Variants in KPNA6 observed in about 807,000 individuals in gnomAD.
KPNA6 encodes importin subunit alpha-7.
In KPNA6, 9 loss-of-function variants were observed where a neutral mutation model predicts 72.0. The ratio of observed to expected loss-of-function variants is 0.13; its 90% CI spans 0.08 to 0.22. KPNA6 has a LOEUF of 0.22. Among genes scored for constraint, KPNA6 ranks in the 10% least tolerant of loss-of-function variants. The probability of loss-of-function intolerance (pLI) is 1.00; values close to 1 mark genes in which losing one functional copy is unlikely to be tolerated. For synonymous variants in KPNA6, 219 were observed against 242.1 expected, an observed-to-expected ratio of 0.90 and a Z score of 0.89; for missense variants, 374 against 655.7, an observed-to-expected ratio of 0.57 and a Z score of 4.69.
intron 1 of KPNA6, among the ~76,000 whole-genome samples, chr1:32,136,907 G>A (rs575094985): frequency 1.3e-5 from 2 of 152,276 alleles, no homozygotes; most frequent in South Asian, 4.1e-4. Flanking sequence ...TAAAGCCTTA[G>A]GTATTATTCG....
chr1:32,114,451 A>AAAATAT (rs982175711), intron 1 of KPNA6, among the ~76,000 whole-genome samples: 2 of 145,524 alleles, frequency 1.4e-5, no homozygotes, highest in Admixed American at 6.9e-5. Context: ...CAAAAAAAAA[A>AAAATAT]ATATATATAT....
rs763890077 is a variant in KPNA6 at position 32,170,869 on chromosome 1, C to A, written c.1586C>A (p.Ala529Asp). 1.5e-5 allele frequency: 25 copies of A among 1,614,044 alleles called. No homozygotes were observed. In the South Asian group the frequency reaches 2.6e-4, roughly 17 times the overall value. ...CAGTTCATCTTCCAGCAGCCTGAGG[C>A]CCCCATGGAGGGCTTCCAGCTATAA... The part of the protein sequence containing the change: ...QQQFIFQQPE[A>D]PMEGFQL The change falls in exon 14 of 14, where the codon GCC (alanine) becomes GAC (aspartate). Residue 529 changes from alanine (A) to aspartate (D), a missense_variant. Around this residue, in one of 3 missense-constraint regions of KPNA6, gnomAD observed 42 missense variants for 49.8 expected, o/e 0.84. Coordinates refer to ENST00000373625, the MANE Select transcript of KPNA6 (RefSeq NM_012316.5).
At chr1:32,114,724 A>G (rs186354907) in intron 1 of KPNA6, among the ~76,000 whole-genome samples, 123 of 152,288 alleles carry the variant, frequency 8.1e-4, no homozygotes, top group East Asian at 2.5e-3. Context: ...TCTTCCTCCA[A>G]TGGAAAGCTG....
chr1:32,125,993 A>AAC (rs1641525742), intron 1 of KPNA6, among the ~76,000 whole-genome samples: 1 of 151,374 alleles, frequency 6.6e-6, no homozygotes, highest in South Asian at 2.1e-4. Flanking sequence ...AAAAAAAAAA[A>AAC]AAAAAAAACC....
intron 1 of KPNA6, among the ~76,000 whole-genome samples, chr1:32,146,698 T>G (rs1202205942): frequency 1.3e-5 from 2 of 152,228 alleles, no homozygotes; most frequent in East Asian, 3.8e-4. Context: ...TGCATTTGTC[T>G]TTTAAATCAT....
chr1:32,166,012 AAACAACAACAAC>A (rs780584561), intron 10 of KPNA6, 81 bp from the exon 11 acceptor site: 31 of 1,388,182 alleles, frequency 2.2e-5, no homozygotes, highest in African/African-American at 4.5e-5. Context: ...AAAAAAACAA[AAACAACAACAAC>A]AACAACAACA....
chr1:32,173,463 A>G lies in KPNA6; in HGVS notation c.*2569A>G, dbSNP rs1278496392. 5.0e-6 allele frequency: 1 copy of G among 199,914 alleles called. No homozygotes were observed. Among genetic ancestry groups the G allele is most frequent in the Non-Finnish European group, 1.0e-5 (1 of 99,606 alleles). The allele number at this position is 199,914 out of a possible 1,614,324, so 12.4% of individuals were successfully genotyped here. A position where few individuals can be genotyped will look rare whatever the true frequency, so the allele number is the denominator to read the frequency against. ...AGAACTCCAAAGGCTAAAGTCTACT[A>G]GGGGCAGAGTGTGAGGATAGATTTC... On this transcript the variant is annotated 3_prime_UTR_variant, in exon 14 of 14. Coordinates refer to ENST00000373625, the MANE Select transcript of KPNA6 (RefSeq NM_012316.5).
chr1:32,124,678 T>A (rs1641500738), intron 1 of KPNA6, among the ~76,000 whole-genome samples: 1 of 151,298 alleles, frequency 6.6e-6, no homozygotes, highest in Non-Finnish European at 1.5e-5. Context: ...GGCTAATTAT[T>A]TGTATTTTAG....
intron 1 of KPNA6, 47 bp from the exon 2 acceptor site, chr1:32,154,541 A>G (rs1386811140): frequency 1.3e-6 from 2 of 1,597,980 alleles, no homozygotes; most frequent in Admixed American, 3.4e-5. Context: ...TGAAAAGGAA[A>G]TGCTGTCCTC....
At chr1:32,134,466 C>A (rs1266776482) in intron 1 of KPNA6, among the ~76,000 whole-genome samples, 1 of 151,530 alleles carries the variant, frequency 6.6e-6, no homozygotes, top group Non-Finnish European at 1.5e-5. Context: ...CATAACAAAA[C>A]CCCGTCTCTA....
intron 1 of KPNA6, among the ~76,000 whole-genome samples, chr1:32,137,146 G>A (rs1198805534): frequency 6.6e-6 from 1 of 152,024 alleles, no homozygotes; most frequent in Non-Finnish European, 1.5e-5. Context: ...GTGGTTCTTT[G>A]GGTTCTGTTT....
rs1642525681 is a variant in KPNA6 at position 32,176,247 on chromosome 1, G to GA, written c.*5354dup. The GA allele has an allele frequency of 6.6e-6, 1 of 152,074 alleles. No individual in the cohort carries two copies. Among genetic ancestry groups the GA allele is most frequent in the African/African-American group, 2.4e-5 (1 of 41,400 alleles). The allele number at this position is 152,074 out of a possible 1,614,324, so 9.4% of individuals were successfully genotyped here. Reference sequence around the variant, plus strand: ...CCACTCAAGAGACTGGATATCCCCCGAGAATGGCTTGGGTTACCAGCTATG... The same window carrying GA: ...CCACTCAAGAGACTGGATATCCCCCGAAGAATGGCTTGGGTTACCAGCTATG... On this transcript the variant is annotated 3_prime_UTR_variant, in exon 14 of 14. Coordinates refer to ENST00000373625, the MANE Select transcript of KPNA6 (RefSeq NM_012316.5).
At position 32,160,849 on chromosome 1, in the gene KPNA6, G is replaced by A. The variant is rs533356795; in HGVS notation, c.647+146G>A. On this transcript the variant is annotated intron_variant, in intron 7 of 13. Coordinates refer to ENST00000373625, the MANE Select transcript of KPNA6 (RefSeq NM_012316.5). ...TTCTGATTGCCAAAGTAAAAGATAG[G>A]TATCTTTGGAGATTGAGAAGGTTGT... 2.8e-4 allele frequency: 175 copies of A among 636,162 alleles called. 3 individuals carry two copies. The South Asian group carries it at 2.9e-3, about 10-fold the overall frequency. 39.4% of individuals were successfully genotyped at this position (636,162 alleles called of 1,614,324 possible). A position where few individuals can be genotyped will look rare whatever the true frequency, so the allele number is the denominator to read the frequency against.
chr1:32,119,968 C>T (rs2124525233), intron 1 of KPNA6, among the ~76,000 whole-genome samples: 2 of 151,922 alleles, frequency 1.3e-5, no homozygotes, highest in South Asian at 2.1e-4. Context: ...AAACTTCTGA[C>T]CTCGTGATTC....
intron 1 of KPNA6, among the ~76,000 whole-genome samples, chr1:32,148,989 G>A (rs1641981733): frequency 1.3e-5 from 2 of 152,014 alleles, no homozygotes; most frequent in Non-Finnish European, 2.9e-5. Flanking sequence ...CACCGTGCCG[G>A]CCATATTGGT....
intron 1 of KPNA6, among the ~76,000 whole-genome samples, chr1:32,150,484 T>C (rs1008506189): frequency 5.3e-5 from 8 of 152,150 alleles, no homozygotes; most frequent in Non-Finnish European, 7.4e-5. Context: ...TCAATTTTTT[T>C]CCCCTGTGAA....
intron 1 of KPNA6, among the ~76,000 whole-genome samples, chr1:32,116,736 A>G (rs1474484622): frequency 1.3e-5 from 2 of 152,182 alleles, no homozygotes; most frequent in African/African-American, 4.8e-5. Context: ...GCTTTTTGAC[A>G]TGCCTTCCTC....
chr1:32,149,836 T>C (rs1641996312), intron 1 of KPNA6, among the ~76,000 whole-genome samples: 1 of 152,140 alleles, frequency 6.6e-6, no homozygotes, highest in Non-Finnish European at 1.5e-5. Context: ...ATTGCTTTCA[T>C]TTCAAAAAGT....
Position 32,163,330 on chromosome 1 carries a change from T to C in KPNA6, c.990+17T>C, listed in dbSNP as rs1319296327. 6.3e-7 allele frequency: 1 copy of C among 1,585,850 alleles called. No individual in the cohort carries two copies. Among genetic ancestry groups the C allele is most frequent in the Admixed American group, 1.7e-5 (1 of 59,194 alleles). ...CAGACCCAGGTAAGAAAGAGGAGGG[T>C]GCAGGATCTTAGACCAGCTATGGAA... On this transcript the variant is annotated intron_variant, in intron 10 of 13. Transcript: ENST00000373625.
Sources: gnomAD v4.1 joint callset for allele counts (sites outside exome capture counted in the v4.1 genomes callset) on GRCh38, gnomAD v4.1.1 for gene constraint, gnomAD v4.1.1 regional missense constraint, MANE v1.5 for transcripts, NCBI Gene and HGNC (gene_info 2026-07-23, HGNC 2026-07-21) for gene names.